Variants in C2CD2 observed in about 807,000 individuals in gnomAD.
The protein encoded by C2CD2 is C2 calcium dependent domain containing 2.
In C2CD2, 43 loss-of-function variants were observed where a neutral mutation model predicts 74.3. The observed-to-expected ratio is 0.58, with a 90% CI of 0.45 to 0.75. The LOEUF (loss-of-function observed/expected upper bound fraction) is 0.75, where lower values mean the gene tolerates loss of function less well. Ranked by LOEUF, C2CD2 falls within the 30% of genes least tolerant of loss-of-function variation. The pLI, the probability that C2CD2 is intolerant of heterozygous loss-of-function variation, is 0.00. For missense variants in C2CD2, 801 were observed against 916.3 expected (o/e 0.87, Z 1.63); for synonymous variants, 422 against 390.7 (o/e 1.08, Z -0.94).
intron 1 of C2CD2, among the ~76,000 whole-genome samples, chr21:41,946,178 G>A (rs458491): frequency 0.032 from 4,894 of 152,276 alleles, 291 homozygotes; most frequent in African/African-American, 0.11. Context: ...CAATGGTTGC[G>A]AAATCAGTGA....
At chr21:41,951,494 CAGG>C (rs535332239) in intron 1 of C2CD2, among the ~76,000 whole-genome samples, 221 of 152,238 alleles carry the variant, frequency 1.5e-3, no homozygotes, top group African/African-American at 5.0e-3. Flanking sequence ...CTCTTCCAGG[CAGG>C]AGGTCAGGAG....
At position 41,945,288 on chromosome 21, in the gene C2CD2, C is replaced by A. The variant is rs1239572151; in HGVS notation, c.280-3043G>T. On this transcript the variant is annotated intron_variant, in intron 1 of 13. Transcript: ENST00000380486. This position sits in a 1 kb window ranked among gnomAD's most constrained non-coding sequence, Gnocchi z 4.2. ...AAATACACAGAAATATAGACATGCGCACACACGTTGGTATACACACGTATG... is the reference window on the plus strand; with the variant it reads ...AAATACACAGAAATATAGACATGCGAACACACGTTGGTATACACACGTATG... 6.6e-6 allele frequency among the ~76,000 whole-genome samples: 1 copy of A among 152,118 alleles called. No homozygotes were observed. The highest frequency in any genetic ancestry group is 1.5e-5 in the Non-Finnish European group (1 of 68,024).
intron 2 of C2CD2, among the ~76,000 whole-genome samples, chr21:41,937,998 T>A (rs559981920): frequency 6.6e-6 from 1 of 152,264 alleles, no homozygotes; most frequent in Non-Finnish European, 1.5e-5. Context: ...CCAAATTTCA[T>A]TTAGAAGGAA....
At position 41,892,533 on chromosome 21, in the gene C2CD2, C is replaced by T. The variant is rs192924448; in HGVS notation, c.1871-3189G>A. Among the ~76,000 whole-genome samples, 102 of 152,258 alleles carry T rather than the reference C, an allele frequency of 6.7e-4. 1 individual carries two copies. The highest frequency in any genetic ancestry group is 6.5e-3 in the Admixed American group (99 of 15,300). Reference sequence around the variant, plus strand: ...AGGCAGCAACATGGAGGAGTGGAGGCGGAGAGGACAGTGAAGCAGCATCCT... The same window carrying T: ...AGGCAGCAACATGGAGGAGTGGAGGTGGAGAGGACAGTGAAGCAGCATCCT... On this transcript the variant is annotated intron_variant, in intron 13 of 13. Coordinates refer to ENST00000380486, the MANE Select transcript of C2CD2 (RefSeq NM_015500.2). The surrounding 1 kb of genome is among the most constrained non-coding windows in gnomAD (Gnocchi z 4.6).
chr21:41,931,830 A>AC (rs1164241679), intron 2 of C2CD2, among the ~76,000 whole-genome samples: 2 of 144,630 alleles, frequency 1.4e-5, no homozygotes, highest in African/African-American at 5.0e-5. Flanking sequence ...GCATCCCACT[A>AC]CCCCACCTCC....
At chr21:41,913,980 C>T (rs1483515791) in intron 6 of C2CD2, among the ~76,000 whole-genome samples, 1 of 152,190 alleles carries the variant, frequency 6.6e-6, no homozygotes, top group African/African-American at 2.4e-5. Flanking sequence ...GAATCTCCAG[C>T]ACTTTGGGAG....
chr21:41,905,110 T>C (rs408956), intron 11 of C2CD2, among the ~76,000 whole-genome samples: 90,334 of 152,004 alleles, frequency 0.59, 27,555 homozygotes, highest in African/African-American at 0.73. Flanking sequence ...TTGCTATTAA[T>C]GTAGCTAGCG....
At position 41,886,172 on chromosome 21, in the gene C2CD2, C is replaced by G. The variant is rs981644047; in HGVS notation, c.*2952G>C. 3.3e-5 allele frequency: 5 copies of G among 152,146 alleles called. No individual in the cohort carries two copies. The highest frequency in any genetic ancestry group is 1.2e-4 in the African/African-American group (5 of 41,428). 9.4% of individuals were successfully genotyped at this position (152,146 alleles called of 1,614,324 possible). The stretch of plus-strand genomic sequence containing the variant: ...TTCCAGAGATACAGACACAATTAAT[C>G]TTAGTGTTCATGAGGAATTGTTTTT... On this transcript the variant is annotated 3_prime_UTR_variant, in exon 14 of 14. Coordinates refer to ENST00000380486, the MANE Select transcript of C2CD2 (RefSeq NM_015500.2).
chr21:41,906,342 G>T (rs2064961678), intron 10 of C2CD2, among the ~76,000 whole-genome samples: 1 of 152,102 alleles, frequency 6.6e-6, no homozygotes, highest in Admixed American at 6.5e-5. Flanking sequence ...CCACATACAG[G>T]TAATAGAGTT....
intron 2 of C2CD2, among the ~76,000 whole-genome samples, chr21:41,931,648 C>T (rs529114431): frequency 6.7e-6 from 1 of 150,116 alleles, no homozygotes; most frequent in South Asian, 2.1e-4. Context: ...GTCTTGATCC[C>T]CTGACCTCGT....
intron 12 of C2CD2, among the ~76,000 whole-genome samples, chr21:41,900,402 G>A (rs993924768): frequency 1.4e-4 from 22 of 152,194 alleles, no homozygotes; most frequent in African/African-American, 5.1e-4. Context: ...TATGATCTTA[G>A]AGAAAGTATA....
intron 3 of C2CD2, among the ~76,000 whole-genome samples, chr21:41,920,508 C>G (rs1168382715): frequency 6.6e-6 from 1 of 152,204 alleles, no homozygotes; most frequent in Non-Finnish European, 1.5e-5. Flanking sequence ...AACCTGCCTT[C>G]CTTGTCTGGT....
chr21:41,951,872 C>T (rs967200652), intron 1 of C2CD2, among the ~76,000 whole-genome samples: 20 of 152,328 alleles, frequency 1.3e-4, no homozygotes, highest in African/African-American at 4.8e-4. Context: ...AAGCCTGAAA[C>T]TCCAGAGTTA....
rs1208380113 is a variant in C2CD2 at position 41,889,235 on chromosome 21, C to T, written c.1980G>A (p.Glu660=). The change falls in exon 14 of 14, where the codon GAG becomes GAA. Residue 660 remains glutamate, a synonymous_variant. Coordinates refer to ENST00000380486, the MANE Select transcript of C2CD2 (RefSeq NM_015500.2). ...GGGTGATGCCTTTCCTCCGGGAACC[C>T]TCTGGCTGCTCCAGGAACACAAGGT... is the stretch of plus-strand genomic sequence containing the variant. ...HNDLVFLEQP[E]GSRRKGITLT... 1.2e-6 allele frequency: 2 copies of T among 1,613,882 alleles called. No individual in the cohort carries two copies. The highest frequency in any genetic ancestry group is 1.7e-6 in the Non-Finnish European group (2 of 1,180,028).
intron 11 of C2CD2, among the ~76,000 whole-genome samples, chr21:41,905,291 A>C (rs1251836402): frequency 6.6e-6 from 1 of 151,404 alleles, no homozygotes; most frequent in Non-Finnish European, 1.5e-5. Flanking sequence ...CTCATTAACA[A>C]AACAAAAGCA....
Position 41,926,985 on chromosome 21 carries a change from C to T in C2CD2, c.379-4900G>A, listed in dbSNP as rs1014452930. Among the ~76,000 whole-genome samples, 2 of 152,174 alleles carry T rather than the reference C, an allele frequency of 1.3e-5. No individual in the cohort carries two copies. Among genetic ancestry groups the T allele is most frequent in the African/African-American group, 2.4e-5 (1 of 41,452 alleles). ...CAGATGTCTTTCCCCACTCTGCAAG[C>T]GAGTCTCACCTCTGTAAATATCCTT... On this transcript the variant is annotated intron_variant, in intron 2 of 13. Coordinates refer to ENST00000380486, the MANE Select transcript of C2CD2 (RefSeq NM_015500.2). This position sits in a 1 kb window ranked among gnomAD's most constrained non-coding sequence, Gnocchi z 8.0.
At chr21:41,915,684 C>T (rs1335638319) in intron 5 of C2CD2, among the ~76,000 whole-genome samples, 1 of 152,240 alleles carries the variant, frequency 6.6e-6, no homozygotes, top group Non-Finnish European at 1.5e-5. Flanking sequence ...AGGTGATCCG[C>T]ACGCCTCAGC....
intron 7 of C2CD2, among the ~76,000 whole-genome samples, chr21:41,910,276 C>G (rs2065012227): frequency 6.6e-6 from 1 of 152,206 alleles, no homozygotes; most frequent in African/African-American, 2.4e-5. Context: ...AACAACCCTT[C>G]TTAATGTGTT....
intron 2 of C2CD2, among the ~76,000 whole-genome samples, chr21:41,925,043 C>G (rs2065194725): frequency 6.6e-6 from 1 of 152,202 alleles, no homozygotes; most frequent in Non-Finnish European, 1.5e-5. Flanking sequence ...ACATTCTACT[C>G]TAGGACAGAA....
Sources: allele counts gnomAD v4.1 joint callset (sites outside exome capture counted in the v4.1 genomes callset), GRCh38; gene constraint gnomAD v4.1.1; non-coding constraint Gnocchi (gnomAD v3.1); transcripts MANE v1.5; gene names NCBI Gene and HGNC (gene_info 2026-07-23, HGNC 2026-07-21).